Variants in RTN4R observed in about 807,000 individuals in gnomAD.
The protein encoded by RTN4R is reticulon 4 receptor, also known as reticulon-4 receptor.
A neutral mutation model predicts 27.7 loss-of-function variants in RTN4R; 4 were observed. The observed-to-expected ratio is 0.14, with a 90% CI of 0.07 to 0.33. The LOEUF (loss-of-function observed/expected upper bound fraction) is 0.33. Ranked by LOEUF, RTN4R falls within the 10% of genes least tolerant of loss-of-function variation. The probability of loss-of-function intolerance (pLI) is 1.00; values close to 1 mark genes in which losing one functional copy is unlikely to be tolerated. For synonymous variants in RTN4R, 290 were observed against 305.6 expected (o/e 0.95, Z 0.53); for missense variants, 554 against 671.5 (o/e 0.83, Z 1.93).
Position 20,242,495 on chromosome 22 carries a change from C to G in RTN4R, c.638G>C (p.Arg213Pro). ...GGCATGCGGGTGCACATGGGCCACG[C>G]GGTTCTGGTGCAGTAGGAGACGGTC... The part of the protein sequence containing the change: ...SLDRLLLHQN[R>P]VAHVHPHAFR... Residue 213 changes from arginine (R) to proline (P), a missense_variant, in exon 2 of 2, where the codon CGC (arginine) becomes CCC (proline). This residue lies in a region of RTN4R where 413 missense variants were observed against 542.3 expected (regional missense o/e 0.76). Transcript: ENST00000043402. The G allele has an allele frequency of 6.2e-7, 1 of 1,613,708 alleles. No individual in the cohort carries two copies. Among genetic ancestry groups the G allele is most frequent in the Non-Finnish European group, 8.5e-7 (1 of 1,179,980 alleles).
intron 1 of RTN4R, among the ~76,000 whole-genome samples, chr22:20,247,483 ACCCATCTGTCCCCCG>A (rs2051148641): frequency 3.8e-5 from 1 of 26,632 alleles, no homozygotes; most frequent in Non-Finnish European, 7.9e-5. Flanking sequence ...CCCGCCCCCC[ACCCATCTGTCCCCCG>A]ATCCTCGCTT....
intron 1 of RTN4R, among the ~76,000 whole-genome samples, chr22:20,246,531 G>A (rs1035598073): frequency 1.3e-5 from 2 of 151,990 alleles, no homozygotes; most frequent in African/African-American, 2.4e-5. Flanking sequence ...GCGGTGGGAG[G>A]CTCTGGGGAT....
chr22:20,247,003 G>A (rs1602639985), intron 1 of RTN4R, among the ~76,000 whole-genome samples: 2 of 152,244 alleles, frequency 1.3e-5, no homozygotes, highest in African/African-American at 2.4e-5. Context: ...AGTGCTGCCC[G>A]GAGGGGCCAC....
rs947241770 is a variant in RTN4R at position 20,242,734 on chromosome 22, G to A, written c.399C>T (p.His133=). ...GGCCGCAGCGGTCCAGGTGCAGCGT[G>A]TGTAGGCGGCCCAGGCCGTGGAATG... ...PATFHGLGRL[H]TLHLDRCGLQ... Residue 133 remains histidine, a synonymous_variant, in exon 2 of 2, where the codon CAC becomes CAT. Transcript: ENST00000043402. The A allele has an allele frequency of 2.5e-6, 4 of 1,612,506 alleles. No individual in the cohort carries two copies. Among genetic ancestry groups the A allele is most frequent in the Middle Eastern group, 1.6e-4 (1 of 6,078 alleles).
intron 1 of RTN4R, among the ~76,000 whole-genome samples, chr22:20,260,314 G>A (rs1045268528): frequency 3.9e-5 from 6 of 152,184 alleles, no homozygotes; most frequent in Admixed American, 2.0e-4. Flanking sequence ...TGGGCAGGGC[G>A]TGACCGGCCA....
chr22:20,249,139 C>T (rs1302894164), intron 1 of RTN4R: 1 of 534,298 alleles, frequency 1.9e-6, no homozygotes, highest in African/African-American at 1.9e-5. Context: ...AATCCTGTCT[C>T]CACCAAGGGC....
intron 1 of RTN4R, among the ~76,000 whole-genome samples, chr22:20,258,332 AC>A (rs1023844769): frequency 6.6e-6 from 1 of 150,568 alleles, no homozygotes; most frequent in African/African-American, 2.4e-5. Flanking sequence ...CACCCCTGCC[AC>A]CCCTAAGGAG....
In RTN4R at chr22:20,243,412, G is replaced by C. The variant is rs762429036; in HGVS notation, c.23-302C>G. On this transcript the variant is annotated intron_variant, in intron 1 of 1. Transcript: ENST00000043402. Reference sequence around the variant, plus strand: ...GGTCACCAGGGGCACTCACTTGAAGGCCTCCTGGAATGGACACTGGTGACT... The same window carrying C: ...GGTCACCAGGGGCACTCACTTGAAGCCCTCCTGGAATGGACACTGGTGACT... The C allele has an allele frequency of 4.8e-5, 31 of 652,212 alleles. 1 individual carries two copies. Among genetic ancestry groups the C allele is most frequent in the South Asian group, 4.4e-4 (29 of 66,138 alleles). The allele number at this position is 652,212 out of a possible 1,614,324, so 40.4% of individuals were successfully genotyped here. A position where few individuals can be genotyped will look rare whatever the true frequency, so the allele number is the denominator to read the frequency against.
intron 1 of RTN4R, among the ~76,000 whole-genome samples, chr22:20,256,766 G>T (rs375224467): frequency 6.6e-6 from 1 of 152,174 alleles, no homozygotes; most frequent in African/African-American, 2.4e-5. Flanking sequence ...CTGGAGGCCC[G>T]GTCACCCCCA....
At chr22:20,248,010 T>G (rs2051152069) in intron 1 of RTN4R, among the ~76,000 whole-genome samples, 1 of 152,048 alleles carries the variant, frequency 6.6e-6, no homozygotes, top group Non-Finnish European at 1.5e-5. Context: ...GACAACGAGA[T>G]GTAGGTAGGT....
chr22:20,262,395 T>A (rs1807466), intron 1 of RTN4R, among the ~76,000 whole-genome samples: 2 of 151,756 alleles, frequency 1.3e-5, no homozygotes, highest in African/African-American at 4.8e-5. Context: ...CAGGGCAGAG[T>A]GGGTGATGGG....
intron 1 of RTN4R, among the ~76,000 whole-genome samples, chr22:20,247,722 C>T (rs1401032806): frequency 6.6e-6 from 1 of 152,136 alleles, no homozygotes; most frequent in Non-Finnish European, 1.5e-5. Context: ...CTGGCCCTGG[C>T]CCCTGCTCCT....
At chr22:20,257,949 G>GC (rs1056739381) in intron 1 of RTN4R, among the ~76,000 whole-genome samples, 1 of 152,144 alleles carries the variant, frequency 6.6e-6, no homozygotes, top group Non-Finnish European at 1.5e-5. Flanking sequence ...TCTCAGGCAG[G>GC]CCCCCCAACG....
rs188163783 is a variant in RTN4R, at chr22:20,258,074, C to A, written c.22+9997G>T. ...CTCCCTGGAGGACCTTCTCACATCACCCCCGGAGGGACCACCATCCCCACC... is the reference window on the plus strand; with the variant it reads ...CTCCCTGGAGGACCTTCTCACATCAACCCCGGAGGGACCACCATCCCCACC... On this transcript the variant is annotated intron_variant, in intron 1 of 1. Transcript: ENST00000043402. Among the ~76,000 whole-genome samples the A allele has an allele frequency of 5.3e-4, 81 of 152,320 alleles. No individual in the cohort carries two copies. In the East Asian group the frequency reaches 0.012, roughly 22 times the overall value.
chr22:20,266,596 A>C (rs1256172696), intron 1 of RTN4R, among the ~76,000 whole-genome samples: 1 of 152,206 alleles, frequency 6.6e-6, no homozygotes, highest in Non-Finnish European at 1.5e-5. Flanking sequence ...TCATGGCCTG[A>C]AATGGGTCTT....
intron 1 of RTN4R, chr22:20,243,529 G>A (rs947975341): frequency 1.0e-5 from 5 of 481,630 alleles, no homozygotes; most frequent in East Asian, 1.3e-4. Context: ...ACAGGGCCTA[G>A]GAAACACTGC....
chr22:20,244,415 G>A (rs756235605), intron 1 of RTN4R, among the ~76,000 whole-genome samples: 3 of 152,220 alleles, frequency 2.0e-5, no homozygotes, highest in Non-Finnish European at 4.4e-5. Context: ...CCCAGCACGC[G>A]CAGTGACCGC....
chr22:20,246,618 C>A (rs575697199), intron 1 of RTN4R, among the ~76,000 whole-genome samples: 36 of 152,298 alleles, frequency 2.4e-4, no homozygotes, highest in Non-Finnish European at 4.7e-4. Context: ...TGAGCCGAGC[C>A]GAGCAGGGAT....
chr22:20,242,665 C>T lies in RTN4R; in HGVS notation c.468G>A (p.Leu156=). ...CGTTGTCCTGCAGGTAGAGGTACTG[C>T]AGGGCAGCCAGGCCGCGGAACAGCC... ...GPGLFRGLAA[L]QYLYLQDNAL... Residue 156 remains leucine (L), a synonymous_variant, in exon 2 of 2, where the codon CTG becomes CTA. Transcript: ENST00000043402. 1 of 1,612,436 alleles carries T rather than the reference C, an allele frequency of 6.2e-7. No individual in the cohort carries two copies. Among genetic ancestry groups the T allele is most frequent in the Non-Finnish European group, 8.5e-7 (1 of 1,179,762 alleles).
Sources: allele counts gnomAD v4.1 joint callset (sites outside exome capture counted in the v4.1 genomes callset), GRCh38; gene constraint gnomAD v4.1.1; regional missense constraint gnomAD v4.1.1; transcripts MANE v1.5; gene names NCBI Gene and HGNC (gene_info 2026-07-23, HGNC 2026-07-21).